SV2C: variants seen among roughly 807,000 people sequenced by gnomAD.
SV2C encodes the protein synaptic vesicle glycoprotein 2C, also known as solute carrier family 22 member B3.
In SV2C, 49 loss-of-function variants were observed where a neutral mutation model predicts 79.7. The observed-to-expected ratio is 0.61, with a 90% CI of 0.49 to 0.78. The LOEUF is 0.78. SV2C is among the 30% of genes least tolerant of loss of function. SV2C has a pLI of 0.00. For synonymous variants in SV2C, 334 were observed against 333.2 expected (o/e 1.00, Z -0.03); for missense variants, 833 against 912.9 (o/e 0.91, Z 1.13).
At chr5:75,927,201 C>T in the SV2C span, among the ~76,000 whole-genome samples, 6 of 152,066 alleles carry the variant, frequency 3.9e-5, no homozygotes. Context: ...ACCCTATGTT[C>T]ATTGCAGCAT....
At chr5:76,030,278 T>C in the SV2C span, among the ~76,000 whole-genome samples, 2 of 116,912 alleles carry the variant, frequency 1.7e-5, no homozygotes, top group African/African-American at 3.5e-5. Context: ...TTTTTTTTTT[T>C]TTTTTTTTTT....
chr5:76,005,180 C>T, the SV2C span, among the ~76,000 whole-genome samples: 58 of 152,304 alleles, frequency 3.8e-4, no homozygotes, highest in Middle Eastern at 0.01. Flanking sequence ...GGTGCAGTTT[C>T]CAGCCTCACA....
the SV2C span, chr5:75,910,176 C>G: frequency 2.9e-6 from 1 of 346,850 alleles, no homozygotes; most frequent in African/African-American, 2.2e-5. Context: ...GTGGTTCAAG[C>G]CTGTAATCCC....
the SV2C span, among the ~76,000 whole-genome samples, chr5:75,939,534 C>T: frequency 9.2e-5 from 14 of 152,016 alleles, no homozygotes; most frequent in African/African-American, 2.4e-4. Flanking sequence ...AATTTTTTTG[C>T]GGGGTAGGGG....
At chr5:75,921,718 A>C in the SV2C span, 11 of 461,084 alleles carry the variant, frequency 2.4e-5, no homozygotes, top group African/African-American at 1.8e-4. Context: ...AGAGGGTATA[A>C]AATATTTGAG....
intron 3 of SV2C, among the ~76,000 whole-genome samples, chr5:76,203,829 G>C (rs1744526847): frequency 6.6e-6 from 1 of 152,084 alleles, no homozygotes; most frequent in Non-Finnish European, 1.5e-5. Context: ...TTCAAATTGT[G>C]GCTTTGGAAA....
At chr5:75,934,282 G>A in the SV2C span, among the ~76,000 whole-genome samples, 1 of 110,298 alleles carries the variant, frequency 9.1e-6, no homozygotes, top group African/African-American at 4.1e-5. Context: ...CAGAGTTGTT[G>A]TTTCTTTTTT....
Position 76,291,748 on chromosome 5 carries a change from A to G in SV2C, c.1249-20A>G. On this transcript the variant is annotated intron_variant, in intron 7 of 12. Coordinates refer to ENST00000502798, the MANE Select transcript of SV2C (RefSeq NM_014979.4). Reference sequence around the variant, plus strand: ...GACTAAGTAACTGCATGAGAAAACTAACTCTCTAATATTTCACAGATTTGG... The same window carrying G: ...GACTAAGTAACTGCATGAGAAAACTGACTCTCTAATATTTCACAGATTTGG... 6.3e-7 allele frequency: 1 copy of G among 1,577,184 alleles called. No individual in the cohort carries two copies.
the SV2C span, among the ~76,000 whole-genome samples, chr5:75,853,782 T>G: frequency 6.6e-6 from 1 of 151,736 alleles, no homozygotes; most frequent in East Asian, 1.9e-4. Context: ...TAATTTACAT[T>G]ACGTTCTTTT....
At chr5:76,009,089 G>T in the SV2C span, among the ~76,000 whole-genome samples, 2 of 152,076 alleles carry the variant, frequency 1.3e-5, no homozygotes, top group Non-Finnish European at 1.5e-5. Context: ...CCACCCTCTG[G>T]AATGCTCAAT....
intron 4 of SV2C, among the ~76,000 whole-genome samples, chr5:76,267,113 G>A (rs1001287401): frequency 1.3e-5 from 2 of 152,196 alleles, no homozygotes; most frequent in Non-Finnish European, 2.9e-5. Context: ...CTGAACACAC[G>A]ACATGTTTCC....
At chr5:75,921,774 C>T in the SV2C span, 4 of 322,992 alleles carry the variant, frequency 1.2e-5, no homozygotes, top group East Asian at 6.4e-5. Flanking sequence ...CTACCAAGCT[C>T]GTGCCAAGGA....
At chr5:76,307,195 C>A (rs1176301725) in intron 12 of SV2C, among the ~76,000 whole-genome samples, 1 of 152,136 alleles carries the variant, frequency 6.6e-6, no homozygotes, top group Non-Finnish European at 1.5e-5. Flanking sequence ...AACAAAATTA[C>A]AACAAATTTA....
At chr5:76,175,243 G>A (rs1743486566) in intron 2 of SV2C, among the ~76,000 whole-genome samples, 4 of 152,158 alleles carry the variant, frequency 2.6e-5, no homozygotes, top group Admixed American at 6.5e-5. Flanking sequence ...GGGAGTCTTT[G>A]GCTCCCCCTG....
intron 4 of SV2C, among the ~76,000 whole-genome samples, chr5:76,240,555 A>T (rs532991062): frequency 1.3e-5 from 2 of 152,198 alleles, no homozygotes; most frequent in Non-Finnish European, 2.9e-5. Context: ...ACCATCTGTG[A>T]CACATTCTAC....
intron 4 of SV2C, among the ~76,000 whole-genome samples, chr5:76,245,928 GTGTGTGTA>G (rs1554042663): frequency 7.1e-6 from 1 of 140,254 alleles, no homozygotes; most frequent in East Asian, 1.9e-4. Flanking sequence ...GTGTGTGTGT[GTGTGTGTA>G]TGTGTGTGTG....
chr5:76,143,839 G>T (rs1014177230), intron 2 of SV2C, among the ~76,000 whole-genome samples: 11 of 152,190 alleles, frequency 7.2e-5, no homozygotes, highest in African/African-American at 2.7e-4. Context: ...AATCAAGCTG[G>T]TCATCAACTG....
chr5:76,252,092 C>A (rs1746132842), intron 4 of SV2C, among the ~76,000 whole-genome samples: 1 of 152,154 alleles, frequency 6.6e-6, no homozygotes, highest in Admixed American at 6.5e-5. Context: ...TGCAAACTCA[C>A]TGTCCAAGGA....
At chr5:76,244,307 G>A (rs1378198551) in intron 4 of SV2C, among the ~76,000 whole-genome samples, 1 of 152,198 alleles carries the variant, frequency 6.6e-6, no homozygotes, top group Non-Finnish European at 1.5e-5. Flanking sequence ...ATGATTTATA[G>A]AGCCCCTGTT....
Sources: gnomAD v4.1 joint callset for allele counts (sites outside exome capture counted in the v4.1 genomes callset) on GRCh38, gnomAD v4.1.1 for gene constraint, MANE v1.5 for transcripts, NCBI Gene and HGNC (gene_info 2026-07-23, HGNC 2026-07-21) for gene names.